ANGPTL1: variants seen among roughly 807,000 people sequenced by gnomAD.
ANGPTL1 encodes the protein angiopoietin-related protein 1.
ANGPTL1 carries 36 observed loss-of-function variants against 46.7 expected under a neutral mutation model. The observed-to-expected ratio is 0.77, with a 90% confidence interval of 0.59 to 1.02. The LOEUF (loss-of-function observed/expected upper bound fraction) is 1.02. ANGPTL1 is among the 50% of genes least tolerant of loss of function. The probability of loss-of-function intolerance (pLI) is 0.00; values close to 1 mark genes in which losing one functional copy is unlikely to be tolerated. For synonymous variants in ANGPTL1, 221 were observed against 204.3 expected, an observed-to-expected ratio of 1.08 and a Z score of -0.69; for missense variants, 571 against 594.7, an observed-to-expected ratio of 0.96 and a Z score of 0.41.
intron 3 of ANGPTL1, among the ~76,000 whole-genome samples, chr1:178,854,934 T>G (rs1406626896): frequency 6.6e-6 from 1 of 152,138 alleles, no homozygotes; most frequent in Non-Finnish European, 1.5e-5. Context: ...CTCCAGTGTT[T>G]CGAGCCTTTT....
In ANGPTL1 at chr1:178,849,748, AT is replaced by A. The variant is rs1362497217; in HGVS notation, c.*1380del. 1 of 152,198 alleles carries A rather than the reference AT, an allele frequency of 6.6e-6. No homozygotes were observed. Among genetic ancestry groups the A allele is most frequent in the East Asian group, 1.9e-4 (1 of 5,200 alleles). 9.4% of individuals were successfully genotyped at this position (152,198 alleles called of 1,614,324 possible). On this transcript the variant is annotated 3_prime_UTR_variant, in exon 6 of 6. Transcript: ENST00000234816. ...TTTAATTTGTTTCACCAGAAGTTTT[AT>A]TTTGAGATGTGGCAGATGAAAAACA...
Position 178,865,439 on chromosome 1 carries a change from A to G in ANGPTL1, c.338T>C (p.Val113Ala), listed in dbSNP as rs746689032. The change falls in exon 3 of 6, where the codon GTG becomes GCG. Residue 113 changes from valine (V) to alanine (A), a missense_variant. Transcript: ENST00000234816. ...QLVVDVDGNIVNEVKLLRKES... is the reference protein window; with the variant it reads ...QLVVDVDGNIANEVKLLRKES... ...CTTTCTCAGCAGCTTTACCTCATTC[A>G]CAATGTTTCCATCTACATCCACCAC... The G allele has an allele frequency of 1.9e-6, 3 of 1,613,992 alleles. No homozygotes were observed. The South Asian group carries it at 3.3e-5, about 18-fold the overall frequency.
intron 3 of ANGPTL1, among the ~76,000 whole-genome samples, chr1:178,859,827 C>T (rs1392703652): frequency 2.2e-5 from 2 of 89,254 alleles, no homozygotes; most frequent in African/African-American, 3.9e-5. Context: ...CCCGCCCCCC[C>T]CCCCCCAACC....
Position 178,849,985 on chromosome 1 carries a change from C to G in ANGPTL1, c.*1144G>C, listed in dbSNP as rs1428476809. ...TATGTATTCCTGAAAGGAAATTGTT[C>G]CAGAAAGTCACTAGTAAAGTTGTTG... On this transcript the variant is annotated 3_prime_UTR_variant, in exon 6 of 6. Coordinates refer to ENST00000234816, the MANE Select transcript of ANGPTL1 (RefSeq NM_004673.4). The G allele has an allele frequency of 6.6e-6, 1 of 152,588 alleles. No homozygotes were observed. Among genetic ancestry groups the G allele is most frequent in the Non-Finnish European group, 1.5e-5 (1 of 68,032 alleles). 9.5% of individuals were successfully genotyped at this position (152,588 alleles called of 1,614,324 possible).
chr1:178,862,770 T>C (rs1423759582), intron 3 of ANGPTL1, among the ~76,000 whole-genome samples: 1 of 152,138 alleles, frequency 6.6e-6, no homozygotes, highest in Non-Finnish European at 1.5e-5. Flanking sequence ...GAAGGTCCGC[T>C]AGGAAAGTAG....
In ANGPTL1 at chr1:178,865,190, A is replaced by G; in HGVS notation, c.587T>C (p.Leu196Ser). The change falls in exon 3 of 6, where the codon TTG (leucine) becomes TCG (serine). Residue 196 changes from leucine (L) to serine (S), a missense_variant. Physicochemically the swap from Leu to Ser is moderately radical, Grantham distance 145 (BLOSUM62 -2). Transcript: ENST00000234816. ...AAATATCCTCAAGCACTGTTCTTCCAACAAAGTGATCATCACAGATTGGTT... is the reference window on the plus strand; with the variant it reads ...AAATATCCTCAAGCACTGTTCTTCCGACAAAGTGATCATCACAGATTGGTT... The part of the protein sequence containing the change: ...VNNQSVMITL[L>S]EEQCLRIFSR... 6.2e-7 allele frequency: 1 copy of G among 1,613,420 alleles called. No homozygotes were observed. Among genetic ancestry groups the G allele is most frequent in the Non-Finnish European group, 8.5e-7 (1 of 1,179,492 alleles).
chr1:178,863,898 T>C (rs747328961), intron 3 of ANGPTL1, among the ~76,000 whole-genome samples: 11 of 152,212 alleles, frequency 7.2e-5, no homozygotes, highest in Non-Finnish European at 1.3e-4. Context: ...TTCTAGTCTT[T>C]AGTCTGTGTT....
chr1:178,855,283 G>A (rs984569244), intron 3 of ANGPTL1, among the ~76,000 whole-genome samples: 3 of 147,576 alleles, frequency 2.0e-5, no homozygotes, highest in Admixed American at 6.7e-5. Flanking sequence ...AGATTGTTCC[G>A]TGAGGACAGA....
chr1:178,868,824 AT>A (rs914386868), intron 2 of ANGPTL1, among the ~76,000 whole-genome samples: 24 of 151,580 alleles, frequency 1.6e-4, no homozygotes, highest in Admixed American at 6.6e-4. Flanking sequence ...AATAAATATA[AT>A]TTTTTTTTAA....
chr1:178,864,270 T>A (rs1658229950), intron 3 of ANGPTL1, among the ~76,000 whole-genome samples: 1 of 152,150 alleles, frequency 6.6e-6, no homozygotes, highest in Admixed American at 6.5e-5. Flanking sequence ...GCATGATCAA[T>A]GCAATAGTTT....
chr1:178,856,258 G>C (rs115993169), intron 3 of ANGPTL1, among the ~76,000 whole-genome samples: 123 of 133,932 alleles, frequency 9.2e-4, no homozygotes, highest in Admixed American at 1.2e-3. Context: ...GTTTTTTTTG[G>C]AGCCTGTTTC....
chr1:178,853,976 G>A (rs188418858), intron 3 of ANGPTL1, among the ~76,000 whole-genome samples, 189 bp from the exon 4 acceptor site: 14 of 151,760 alleles, frequency 9.2e-5, no homozygotes, highest in Middle Eastern at 6.8e-3. Context: ...AATTTGTTTC[G>A]TTTTCATCTG....
At chr1:178,868,869 A>G (rs887380748) in intron 2 of ANGPTL1, among the ~76,000 whole-genome samples, 3 of 152,030 alleles carry the variant, frequency 2.0e-5, no homozygotes, top group Non-Finnish European at 4.4e-5. Context: ...CTGTCACTTA[A>G]AGCAGGGCAA....
rs761547359 is a variant in ANGPTL1, at chr1:178,851,144, G to A, written c.1461C>T (p.Ile487=). ...GTGTCTCTCTTCAGTCAATAGGCTTGATCATCATCTGAACTGCTCTTAAGG... is the reference window on the plus strand; with the variant it reads ...GTGTCTCTCTTCAGTCAATAGGCTTAATCATCATCTGAACTGCTCTTAAGG... ...SYSLRAVQMM[I]KPID is the part of the protein sequence containing the mutation. Residue 487 remains isoleucine, a synonymous_variant, in exon 6 of 6, where the codon ATC becomes ATT. Coordinates refer to ENST00000234816, the MANE Select transcript of ANGPTL1 (RefSeq NM_004673.4). The A allele has an allele frequency of 3.2e-5, 52 of 1,612,986 alleles. No homozygotes were observed. Among genetic ancestry groups the A allele is most frequent in the Non-Finnish European group, 4.3e-5 (51 of 1,179,596 alleles).
Position 178,852,952 on chromosome 1 carries a change from T to G in ANGPTL1, c.1019A>C (p.Lys340Thr), listed in dbSNP as rs551634791. The change falls in exon 5 of 6, where the codon AAA (lysine) becomes ACA (threonine). Residue 340 changes from lysine (K) to threonine (T), a missense_variant and splice_region_variant. Transcript: ENST00000234816. ...NFFRNWENYK[K>T]GFGNIDGEYW... ...TTCTCCGTCAATGTTTCCAAACCCT[T>G]TCTGTTAATAAGTGAAGAAACATGA... The G allele has an allele frequency of 6.2e-7, 1 of 1,606,270 alleles. No individual in the cohort carries two copies.
Position 178,865,734 on chromosome 1 carries a change from G to T in ANGPTL1, c.43C>A (p.Leu15Ile). Residue 15 changes from leucine to isoleucine, a missense_variant, in exon 3 of 6, where the codon CTA becomes ATA. Coordinates refer to ENST00000234816, the MANE Select transcript of ANGPTL1 (RefSeq NM_004673.4). ...TWTLGVLFFL[L>I]VDTGHCRGGQ... Reference sequence around the variant, plus strand: ...CCTCTGCAATGTCCAGTGTCCACTAGTAGGAAGAATAGCACACCTAGGGTC... The same window carrying T: ...CCTCTGCAATGTCCAGTGTCCACTATTAGGAAGAATAGCACACCTAGGGTC... 6.2e-7 allele frequency: 1 copy of T among 1,612,832 alleles called. No individual in the cohort carries two copies. The highest frequency in any genetic ancestry group is 8.5e-7 in the Non-Finnish European group (1 of 1,179,786).
At chr1:178,860,068 C>G (rs989123553) in intron 3 of ANGPTL1, among the ~76,000 whole-genome samples, 2 of 152,022 alleles carry the variant, frequency 1.3e-5, no homozygotes, top group Non-Finnish European at 2.9e-5. Context: ...TTGCCAGAAT[C>G]CAAGTTTACT....
In ANGPTL1 at chr1:178,869,153, A is replaced by G. The variant is rs1354718594; in HGVS notation, c.-66T>C. On this transcript the variant is annotated 5_prime_UTR_variant, in exon 2 of 6. Transcript: ENST00000234816. ...CTTTACTTAGTTGTTTTTAGAAGAG[A>G]AAAAAAAGTCTTCTATGCGTTGGGT... The G allele has an allele frequency of 1.3e-5, 2 of 151,788 alleles. No homozygotes were observed. Among genetic ancestry groups the G allele is most frequent in the African/African-American group, 4.8e-5 (2 of 41,320 alleles). 9.4% of individuals were successfully genotyped at this position (151,788 alleles called of 1,614,324 possible). A position where few individuals can be genotyped will look rare whatever the true frequency, so the allele number is the denominator to read the frequency against.
At chr1:178,867,990 AATT>A (rs1225866433) in intron 2 of ANGPTL1, among the ~76,000 whole-genome samples, 4 of 151,968 alleles carry the variant, frequency 2.6e-5, no homozygotes, top group African/African-American at 7.2e-5. Context: ...GAGTATGGAG[AATT>A]ATTATTATTT....
Sources: gnomAD v4.1 joint callset for allele counts (sites outside exome capture counted in the v4.1 genomes callset) on GRCh38, gnomAD v4.1.1 for gene constraint, MANE v1.5 for transcripts, NCBI Gene and HGNC (gene_info 2026-07-23, HGNC 2026-07-21) for gene names.